Variants in TMCO2 observed in about 807,000 individuals in gnomAD.
The protein encoded by TMCO2 is transmembrane and coiled-coil domain-containing protein 2.
TMCO2 carries 15 observed loss-of-function variants against 18.0 expected under a neutral mutation model. The ratio of observed to expected loss-of-function variants is 0.84; its 90% confidence interval spans 0.56 to 1.29. The LOEUF is 1.29. TMCO2 is among the 50% of genes most tolerant of loss of function. The probability of loss-of-function intolerance (pLI) is 0.00; values close to 1 mark genes in which losing one functional copy is unlikely to be tolerated. For synonymous variants in TMCO2, 79 were observed against 75.9 expected (o/e 1.04, Z -0.21); for missense variants, 182 against 200.9 (o/e 0.91, Z 0.57).
chr1:40,250,964 C>T (rs1643378566), intron 1 of TMCO2, among the ~76,000 whole-genome samples: 1 of 152,010 alleles, frequency 6.6e-6, no homozygotes, highest in South Asian at 2.1e-4. Context: ...GGTGAAACCT[C>T]GTCTCTATTA....
At chr1:40,250,372 C>T (rs1643372513) in intron 1 of TMCO2, among the ~76,000 whole-genome samples, 1 of 150,974 alleles carries the variant, frequency 6.6e-6, no homozygotes, top group Middle Eastern at 3.2e-3. Flanking sequence ...GCTATCTTGC[C>T]CAGGCTGAAG....
chr1:40,251,103 C>G (rs1419108106), intron 1 of TMCO2, among the ~76,000 whole-genome samples, 180 bp from the exon 2 acceptor site: 1 of 145,740 alleles, frequency 6.9e-6, no homozygotes, highest in Non-Finnish European at 1.5e-5. Context: ...CGCCACAGCA[C>G]TCCAGCCTGG....
intron 1 of TMCO2, among the ~76,000 whole-genome samples, chr1:40,249,483 G>A (rs553134698): frequency 6.6e-6 from 1 of 151,596 alleles, no homozygotes; most frequent in Non-Finnish European, 1.5e-5. Context: ...GGAGGCTGAG[G>A]CAGAAGAATT....
rs960143763 is a variant in TMCO2, at chr1:40,251,674, C to T, written c.*80C>T. On this transcript the variant is annotated 3_prime_UTR_variant, in exon 2 of 2. Transcript: ENST00000372766. ...GTGGTGTATCAATAAAGATAGAGAA[C>T]GCTATTGAAATTACCGTGCAAAGAC... 2.5e-5 allele frequency: 36 copies of T among 1,464,404 alleles called. No individual in the cohort carries two copies. Among genetic ancestry groups the T allele is most frequent in the Middle Eastern group, 1.8e-4 (1 of 5,696 alleles). The allele number at this position is 1,464,404 out of a possible 1,614,324, so 90.7% of individuals were successfully genotyped here. A position where few individuals can be genotyped will look rare whatever the true frequency, so the allele number is the denominator to read the frequency against.
At chr1:40,249,602 TATA>T (rs1489682918) in intron 1 of TMCO2, among the ~76,000 whole-genome samples, 3 of 152,072 alleles carry the variant, frequency 2.0e-5, no homozygotes, top group Non-Finnish European at 2.9e-5. Context: ...TGCTAGTTGT[TATA>T]ATAAGGAACA....
intron 1 of TMCO2, among the ~76,000 whole-genome samples, chr1:40,250,318 A>AAATATATAT (rs1553178359): frequency 6.9e-6 from 1 of 145,762 alleles, no homozygotes; most frequent in African/African-American, 2.6e-5. Context: ...ATATAAATAA[A>AAATATATAT]ATATATATAT....
chr1:40,250,550 A>G (rs908158480), intron 1 of TMCO2, among the ~76,000 whole-genome samples: 8 of 152,120 alleles, frequency 5.3e-5, no homozygotes, highest in African/African-American at 1.9e-4. Context: ...CCAGTTTTTC[A>G]GACTACTATG....
chr1:40,248,287 C>T lies in TMCO2; in HGVS notation c.237+57C>T, dbSNP rs1449821207. The T allele has an allele frequency of 1.4e-5, 20 of 1,426,656 alleles. No homozygotes were observed. The East Asian group carries it at 4.3e-4, about 31-fold the overall frequency. The allele number at this position is 1,426,656 out of a possible 1,614,324, so 88.4% of individuals were successfully genotyped here. ...GTTATAAATTGAAATTTGATTAGTTCTCTCCCATATTGCTGCCACCAGTTT... is the reference window on the plus strand; with the variant it reads ...GTTATAAATTGAAATTTGATTAGTTTTCTCCCATATTGCTGCCACCAGTTT... On this transcript the variant is annotated intron_variant, in intron 1 of 1. Coordinates refer to ENST00000372766, the MANE Select transcript of TMCO2 (RefSeq NM_001008740.4).
intron 1 of TMCO2, among the ~76,000 whole-genome samples, chr1:40,250,837 T>C (rs141186442): frequency 0.015 from 2,306 of 152,198 alleles, 25 homozygotes; most frequent in Non-Finnish European, 0.025. Flanking sequence ...ATGAAATAGG[T>C]GTGAAAATAT....
intron 1 of TMCO2, among the ~76,000 whole-genome samples, chr1:40,249,068 A>G (rs561860181): frequency 1.3e-5 from 2 of 152,332 alleles, no homozygotes; most frequent in Admixed American, 6.5e-5. Context: ...AATCCTGCAT[A>G]ACAGTCAGGG....
In TMCO2 at chr1:40,248,203, A is replaced by T. The variant is rs762232285; in HGVS notation, c.210A>T (p.Leu70Phe). The T allele has an allele frequency of 6.2e-7, 1 of 1,613,704 alleles. No individual in the cohort carries two copies. Among genetic ancestry groups the T allele is most frequent in the South Asian group, 1.1e-5 (1 of 91,070 alleles). Residue 70 changes from leucine (L) to phenylalanine (F), a missense_variant, in exon 1 of 2, where the codon TTA (leucine) becomes TTT (phenylalanine). Coordinates refer to ENST00000372766, the MANE Select transcript of TMCO2 (RefSeq NM_001008740.4). ...TATTGGGAATAGGAATATATGCCTT[A>T]TGGAAACGAAGTATTCAGTCAATTC... ...LILLGIGIYA[L>F]WKRSIQSIQK...
At chr1:40,251,156 A>G in intron 1 of TMCO2, 127 bp from the exon 2 acceptor site, 1 of 811,504 alleles carries the variant, frequency 1.2e-6, no homozygotes, top group Admixed American at 3.3e-5. Context: ...AAAAAAAAAA[A>G]TTTGCTAAAT....
Position 40,247,984 on chromosome 1 carries a change from G to C in TMCO2, c.-10G>C. ...TGCACATGTAGTTCCTAGAGCTGCT[G>C]CTTATTAAAATGTCAACATCTTCAT... On this transcript the variant is annotated 5_prime_UTR_variant, in exon 1 of 2. Transcript: ENST00000372766. 1 of 1,607,970 alleles carries C rather than the reference G, an allele frequency of 6.2e-7. No homozygotes were observed. Among genetic ancestry groups the C allele is most frequent in the Non-Finnish European group, 8.5e-7 (1 of 1,174,472 alleles).
At chr1:40,248,647 T>C (rs1643357103) in intron 1 of TMCO2, among the ~76,000 whole-genome samples, 1 of 152,208 alleles carries the variant, frequency 6.6e-6, no homozygotes, top group South Asian at 2.1e-4. Flanking sequence ...CATCACAATG[T>C]GTTCATTATT....
chr1:40,249,712 C>T (rs1463224139), intron 1 of TMCO2, among the ~76,000 whole-genome samples: 1 of 151,974 alleles, frequency 6.6e-6, no homozygotes, highest in African/African-American at 2.4e-5. Context: ...TTGCTCTTGT[C>T]CCCTAGTCTG....
rs1377878261 is a variant in TMCO2 at position 40,251,582 on chromosome 1, T to C, written c.537T>C (p.Thr179=). ...CQSPLSTSGF[T]SPI Reference sequence around the variant, plus strand: ...GTCCCTTGTCCACATCAGGGTTTACTTCCCCCATTTGAAATGTGATGGACT... The same window carrying C: ...GTCCCTTGTCCACATCAGGGTTTACCTCCCCCATTTGAAATGTGATGGACT... Residue 179 remains threonine, a synonymous_variant, in exon 2 of 2, where the codon ACT becomes ACC. Coordinates refer to ENST00000372766, the MANE Select transcript of TMCO2 (RefSeq NM_001008740.4). 2 of 1,603,708 alleles carry C rather than the reference T, an allele frequency of 1.2e-6. No individual in the cohort carries two copies. The highest frequency in any genetic ancestry group is 1.7e-6 in the Non-Finnish European group (2 of 1,177,626).
At chr1:40,250,232 T>G (rs1368325706) in intron 1 of TMCO2, among the ~76,000 whole-genome samples, 1 of 151,758 alleles carries the variant, frequency 6.6e-6, no homozygotes, top group African/African-American at 2.4e-5. Context: ...GGTCTTTAAC[T>G]CCTGGCCTCA....
chr1:40,251,376 C>G lies in TMCO2; in HGVS notation c.331C>G (p.Leu111Val). The change falls in exon 2 of 2, where the codon CTC becomes GTC. Residue 111 changes from leucine to valine, a missense_variant. Leu to Val is a conservative substitution (Grantham distance 32, BLOSUM62 1). Coordinates refer to ENST00000372766, the MANE Select transcript of TMCO2 (RefSeq NM_001008740.4). ...GCTAGCCAACCCAGAAGGAAGTGGT[C>G]TCCGAATTCAAGACAATAATAATCT... ...ALLANPEGSGLRIQDNNNLFL... is the reference protein window; with the variant it reads ...ALLANPEGSGVRIQDNNNLFL... 1.2e-6 allele frequency: 2 copies of G among 1,614,076 alleles called. No homozygotes were observed.
chr1:40,251,267 T>G lies in TMCO2; in HGVS notation c.238-16T>G. ...ACTGTAGCAACTAACACTCAACTTC[T>G]GTTGTTCCATTTTAGAAAACATTGT... is the stretch of plus-strand genomic sequence containing the variant. On this transcript the variant is annotated splice_polypyrimidine_tract_variant and intron_variant, in intron 1 of 1. Transcript: ENST00000372766. 6.2e-7 allele frequency: 1 copy of G among 1,601,848 alleles called. No homozygotes were observed. The highest frequency in any genetic ancestry group is 1.3e-5 in the African/African-American group (1 of 74,108).
Sources: gnomAD v4.1 joint callset for allele counts (sites outside exome capture counted in the v4.1 genomes callset) on GRCh38, gnomAD v4.1.1 for gene constraint, MANE v1.5 for transcripts, NCBI Gene and HGNC (gene_info 2026-07-23, HGNC 2026-07-21) for gene names.